The following UIMC1 variants were observed in gnomAD, a reference collection of about 807,000 sequenced individuals.
The protein encoded by UIMC1 is ubiquitin interaction motif containing 1.
Under a neutral mutation model 84.9 loss-of-function variants are expected in UIMC1, and 42 were observed. The observed-to-expected ratio is 0.49, with a 90% CI of 0.39 to 0.64. UIMC1 has a LOEUF of 0.64. UIMC1 is among the 30% of genes least tolerant of loss of function. UIMC1 has a pLI of 0.00. For missense variants in UIMC1, 825 were observed against 847.6 expected (o/e 0.97, Z 0.33); for synonymous variants, 281 against 293.0 (o/e 0.96, Z 0.42).
In UIMC1 at chr5:176,969,013, G is replaced by A; in HGVS notation, c.742C>T (p.Gln248Ter). 6.2e-7 allele frequency: 1 copy of A among 1,614,186 alleles called. No individual in the cohort carries two copies. The highest frequency in any genetic ancestry group is 8.5e-7 in the Non-Finnish European group (1 of 1,180,034). Residue 248 changes from glutamine (Q) to a stop codon, truncating the protein, a stop_gained, in exon 6 of 15, where the codon CAG becomes TAG. Transcript: ENST00000511320. LOFTEE classifies it high-confidence loss of function. The stretch of plus-strand genomic sequence containing the variant: ...TGCCTAGATGTGTCCCCGCTACCCT[G>A]GACAGCTTTGAGAAAAGCAGAACCC... Reference protein sequence around the residue: ...GRGSAFLKAVQGSGDTSRHCL... With the variant: ...GRGSAFLKAV
chr5:176,995,843 CAAA>C (rs34672103), intron 1 of UIMC1, among the ~76,000 whole-genome samples: 11 of 79,600 alleles, frequency 1.4e-4, no homozygotes, highest in Non-Finnish European at 9.8e-5. Context: ...AACTCCATCT[CAAA>C]AAAAAAAAAA....
intron 10 of UIMC1, among the ~76,000 whole-genome samples, chr5:176,934,913 T>C (rs541165227): frequency 6.6e-6 from 1 of 152,344 alleles, no homozygotes; most frequent in Non-Finnish European, 1.5e-5. Flanking sequence ...GATTCAAAGA[T>C]GGAGAGACAT....
intron 10 of UIMC1, among the ~76,000 whole-genome samples, chr5:176,935,800 T>C (rs916099310): frequency 2.0e-5 from 3 of 152,212 alleles, no homozygotes; most frequent in Non-Finnish European, 2.9e-5. Flanking sequence ...AAGCCTATTT[T>C]AGGCCTTGGT....
At chr5:176,970,141 G>A (rs1581584990) in intron 4 of UIMC1, 1 of 173,868 alleles carries the variant, frequency 5.8e-6, no homozygotes, top group African/African-American at 2.4e-5. Flanking sequence ...GTGTGGTGGT[G>A]GGGGCTTATA....
intron 6 of UIMC1, among the ~76,000 whole-genome samples, chr5:176,965,107 G>A (rs1262982707): frequency 1.3e-5 from 2 of 151,900 alleles, no homozygotes; most frequent in African/African-American, 2.4e-5. Flanking sequence ...ACCTTCTTTG[G>A]GCCTGGTTAT....
intron 6 of UIMC1, among the ~76,000 whole-genome samples, chr5:176,961,832 G>A (rs1417448291): frequency 4.6e-5 from 1 of 21,874 alleles, no homozygotes; most frequent in African/African-American, 2.4e-4. Flanking sequence ...CTGCCCGGCC[G>A]CCCCTACTGG....
chr5:176,906,882 G>C (rs745797218), intron 13 of UIMC1, among the ~76,000 whole-genome samples: 1 of 152,174 alleles, frequency 6.6e-6, no homozygotes, highest in Non-Finnish European at 1.5e-5. Flanking sequence ...AGTTCAACAG[G>C]CTGTCCTGAT....
In UIMC1 at chr5:176,931,722, C is replaced by T. The variant is rs111492654; in HGVS notation, c.1597+11613G>A. ...CAACTGAAGGCCGGGTGCGGTGGCTCATGCCTGTAATCCCAGCACTTCAGG... is the reference window on the plus strand; with the variant it reads ...CAACTGAAGGCCGGGTGCGGTGGCTTATGCCTGTAATCCCAGCACTTCAGG... On this transcript the variant is annotated intron_variant, in intron 10 of 14. Transcript: ENST00000511320. Among the ~76,000 whole-genome samples, 1,375 of 152,286 alleles carry T rather than the reference C, an allele frequency of 9.0e-3. 21 individuals carry two copies. The highest frequency in any genetic ancestry group is 0.031 in the African/African-American group (1,285 of 41,548).
chr5:176,954,282 G>A (rs78488573), intron 8 of UIMC1, among the ~76,000 whole-genome samples: 1 of 152,324 alleles, frequency 6.6e-6, no homozygotes, highest in Non-Finnish European at 1.5e-5. Context: ...GAAGTCAGTA[G>A]TCCCAGACAG....
chr5:176,948,437 C>T (rs1765410361), intron 9 of UIMC1, among the ~76,000 whole-genome samples: 1 of 152,210 alleles, frequency 6.6e-6, no homozygotes, highest in Non-Finnish European at 1.5e-5. Flanking sequence ...ATTTCACCTG[C>T]AAACCAACAG....
At chr5:177,003,464 C>A (rs928344919) in intron 1 of UIMC1, among the ~76,000 whole-genome samples, 1 of 152,058 alleles carries the variant, frequency 6.6e-6, no homozygotes, top group Admixed American at 6.6e-5. Context: ...ACCAGCCTGA[C>A]CAACAGGGTG....
intron 6 of UIMC1, among the ~76,000 whole-genome samples, chr5:176,963,836 G>C (rs1345442479): frequency 6.8e-6 from 1 of 147,598 alleles, no homozygotes; most frequent in Admixed American, 6.6e-5. Context: ...CACACAATCT[G>C]GTCATTTCTG....
chr5:177,009,380 A>G (rs1775495103), upstream of UIMC1, among the ~76,000 whole-genome samples: 1 of 151,568 alleles, frequency 6.6e-6, no homozygotes. This position sits in a 1 kb window ranked among gnomAD's most constrained non-coding sequence, Gnocchi z 4.3. Context: ...AGCTTAGAAG[A>G]GAGGAAAAAA....
chr5:176,923,591 C>T (rs372686696), intron 10 of UIMC1, among the ~76,000 whole-genome samples: 4 of 150,252 alleles, frequency 2.7e-5, no homozygotes, highest in East Asian at 3.9e-4. Context: ...AGGTCGGGCA[C>T]GGTGGCTCAC....
chr5:176,907,825 C>CT (rs1026748830), intron 12 of UIMC1, among the ~76,000 whole-genome samples: 27 of 152,280 alleles, frequency 1.8e-4, no homozygotes, highest in African/African-American at 6.5e-4. Flanking sequence ...TTTCGAGACA[C>CT]TTTAAAATTT....
chr5:176,943,604 T>C, intron 9 of UIMC1, 116 bp from the exon 10 acceptor site: 1 of 1,298,914 alleles, frequency 7.7e-7, no homozygotes, highest in South Asian at 1.4e-5. Context: ...AACAACAGCT[T>C]ATCAAATTCA....
chr5:176,909,822 G>A (rs915607095), intron 11 of UIMC1, among the ~76,000 whole-genome samples: 1 of 152,292 alleles, frequency 6.6e-6, no homozygotes. Context: ...CAGAAGTACT[G>A]CATAAGAGGC....
intron 2 of UIMC1, among the ~76,000 whole-genome samples, chr5:176,981,401 C>A (rs1771034948): frequency 6.6e-6 from 1 of 152,094 alleles, no homozygotes; most frequent in South Asian, 2.1e-4. Context: ...GCCTCGGCCT[C>A]CCAAAGTGCT....
At chr5:176,949,922 C>T (rs576360789) in intron 9 of UIMC1, among the ~76,000 whole-genome samples, 11 of 151,666 alleles carry the variant, frequency 7.3e-5, no homozygotes, top group South Asian at 6.3e-4. Flanking sequence ...GGCATGGTGG[C>T]GGGCACCTGT....
Sources: allele counts gnomAD v4.1 joint callset (sites outside exome capture counted in the v4.1 genomes callset), GRCh38; gene constraint gnomAD v4.1.1; non-coding constraint Gnocchi (gnomAD v3.1); transcripts MANE v1.5; gene names NCBI Gene and HGNC (gene_info 2026-07-23, HGNC 2026-07-21).